Variants in GADL1 observed in about 807,000 individuals in gnomAD.
GADL1 encodes acidic amino acid decarboxylase GADL1.
Under a neutral mutation model 69.5 loss-of-function variants are expected in GADL1, and 71 were observed. The observed-to-expected ratio is 1.02, with a 90% CI of 0.84 to 1.25. The LOEUF (loss-of-function observed/expected upper bound fraction) is 1.25. GADL1 is among the 50% of genes most tolerant of loss of function. The pLI is 0.00. For synonymous variants in GADL1, 254 were observed against 214.4 expected (o/e 1.18, Z -1.62); for missense variants, 737 against 631.8 (o/e 1.17, Z -1.79).
chr3:30,726,271 G>A lies in GADL1; in HGVS notation c.*1971C>T, dbSNP rs1411715234. On this transcript the variant is annotated 3_prime_UTR_variant, in exon 15 of 15. Transcript: ENST00000282538. ...AGAGAGCTTTCAACCTACTTTTTCA[G>A]TCATTAAACTAAAATGCCAACCAAG... 6.6e-6 allele frequency: 1 copy of A among 152,016 alleles called. No individual in the cohort carries two copies. Among genetic ancestry groups the A allele is most frequent in the Non-Finnish European group, 1.5e-5 (1 of 67,994 alleles). 9.4% of individuals were successfully genotyped at this position (152,016 alleles called of 1,614,324 possible).
In GADL1 at chr3:30,741,188, T is replaced by TTA. The variant is rs199506140; in HGVS notation, c.1393-12775_1393-12774dup. 2.5e-3 allele frequency among the ~76,000 whole-genome samples: 263 copies of TTA among 105,654 alleles called. 2 individuals carry two copies. The highest frequency in any genetic ancestry group is 0.013 in the African/African-American group (235 of 18,096). The allele number at this position is 105,654 out of a possible 152,430, so 69.3% of individuals were successfully genotyped here. ...TATAAATATTATATATATTATATAA[T>TTA]TATGTGTGTGTGTGTGTGTGTGTGT... On this transcript the variant is annotated intron_variant, in intron 14 of 14. Transcript: ENST00000282538.
chr3:30,787,975 T>A lies in GADL1; in HGVS notation c.1251-1569A>T, dbSNP rs566984004. 9.9e-5 allele frequency among the ~76,000 whole-genome samples: 15 copies of A among 152,260 alleles called. No individual in the cohort carries two copies. In the South Asian group the frequency reaches 2.9e-3, roughly 29 times the overall value. On this transcript the variant is annotated intron_variant, in intron 12 of 14. Coordinates refer to ENST00000282538, the MANE Select transcript of GADL1 (RefSeq NM_207359.3). ...TTTCAAAGATATTATCTATATGCAA[T>A]TGTATTAAAAATTGTCAATATTAAC...
intron 14 of GADL1, among the ~76,000 whole-genome samples, chr3:30,769,689 C>T (rs938264561): frequency 1.3e-5 from 2 of 152,190 alleles, no homozygotes; most frequent in Non-Finnish European, 2.9e-5. Context: ...AAAATGCACC[C>T]ACACCCATAT....
At chr3:30,872,288 G>A (rs1698503792) in intron 1 of GADL1, among the ~76,000 whole-genome samples, 1 of 151,944 alleles carries the variant, frequency 6.6e-6, no homozygotes, top group African/African-American at 2.4e-5. Flanking sequence ...GGTAGCTACT[G>A]CACCACAGAG....
At chr3:30,771,030 T>C (rs529469551) in intron 14 of GADL1, among the ~76,000 whole-genome samples, 1 of 152,326 alleles carries the variant, frequency 6.6e-6, no homozygotes, top group East Asian at 1.9e-4. Context: ...GGAAAACTCA[T>C]CATGAACTTC....
intron 13 of GADL1, among the ~76,000 whole-genome samples, chr3:30,781,500 C>G (rs1475850140): frequency 6.6e-6 from 1 of 152,172 alleles, no homozygotes; most frequent in African/African-American, 2.4e-5. Context: ...TTCAAACAAT[C>G]ATGCAAATAT....
intron 14 of GADL1, among the ~76,000 whole-genome samples, chr3:30,757,855 TATCAGCAGTTCAGCAA>T (rs570795263): frequency 1.8e-4 from 27 of 152,196 alleles, no homozygotes; most frequent in Admixed American, 1.4e-3. Context: ...CTGCTCAGAT[TATCAGCAGTTCAGCAA>T]AATCAAAAGG....
chr3:30,861,591 A>G lies in GADL1; in HGVS notation c.210+2T>C. ...CAATTTCTTACAGGTTTTAATTTTT[A>G]CCTTCTCATTGACATCTGTAGCTTT... On this transcript the variant is annotated splice_donor_variant, in intron 2 of 14. Coordinates refer to ENST00000282538, the MANE Select transcript of GADL1 (RefSeq NM_207359.3). LOFTEE classifies it high-confidence loss of function. 1.9e-6 allele frequency: 3 copies of G among 1,540,614 alleles called. No homozygotes were observed. The highest frequency in any genetic ancestry group is 2.6e-6 in the Non-Finnish European group (3 of 1,141,678).
intron 1 of GADL1, among the ~76,000 whole-genome samples, chr3:30,863,419 G>A (rs557855043): frequency 3.3e-5 from 5 of 152,106 alleles, no homozygotes; most frequent in South Asian, 2.1e-4. Context: ...TTGACTAAAT[G>A]TTAAAAGTCA....
intron 11 of GADL1, among the ~76,000 whole-genome samples, chr3:30,822,484 T>C (rs978314178): frequency 2.0e-5 from 3 of 152,034 alleles, no homozygotes; most frequent in African/African-American, 2.4e-5. Flanking sequence ...CTCTGTTTTT[T>C]AGATCATAAG....
intron 14 of GADL1, among the ~76,000 whole-genome samples, chr3:30,768,264 T>C (rs928688893): frequency 1.3e-5 from 2 of 152,220 alleles, no homozygotes; most frequent in African/African-American, 4.8e-5. Flanking sequence ...TGTTCATCTG[T>C]TATTGTTTAC....
At chr3:30,783,912 C>CT (rs1353373002) in intron 13 of GADL1, among the ~76,000 whole-genome samples, 1 of 152,228 alleles carries the variant, frequency 6.6e-6, no homozygotes. Context: ...ATCGGCCCAT[C>CT]TTTTTTCTCA....
chr3:30,797,401 G>A (rs1410021606), intron 12 of GADL1, among the ~76,000 whole-genome samples: 2 of 152,162 alleles, frequency 1.3e-5, no homozygotes, highest in African/African-American at 2.4e-5. Flanking sequence ...GATTTTCCAA[G>A]CAGTTAAGTA....
At chr3:30,884,988 T>A (rs1419424068) in intron 1 of GADL1, among the ~76,000 whole-genome samples, 1 of 152,038 alleles carries the variant, frequency 6.6e-6, no homozygotes, top group Non-Finnish European at 1.5e-5. Context: ...TATATCAGAA[T>A]AATGTTCAAA....
intron 14 of GADL1, among the ~76,000 whole-genome samples, chr3:30,736,012 C>G (rs922216202): frequency 6.6e-6 from 1 of 151,902 alleles, no homozygotes; most frequent in African/African-American, 2.4e-5. Flanking sequence ...TTCAGTTTTC[C>G]TTTTACATTT....
At chr3:30,878,689 C>G (rs1165622801) in intron 1 of GADL1, among the ~76,000 whole-genome samples, 1 of 151,792 alleles carries the variant, frequency 6.6e-6, no homozygotes. Flanking sequence ...AAAGACAGTG[C>G]CAGTGGCAGT....
intron 14 of GADL1, among the ~76,000 whole-genome samples, chr3:30,769,640 T>C (rs1696371145): frequency 6.6e-6 from 1 of 152,106 alleles, no homozygotes; most frequent in Non-Finnish European, 1.5e-5. Flanking sequence ...AGAGGCCCCA[T>C]CTAGTTCTTG....
intron 11 of GADL1, among the ~76,000 whole-genome samples, chr3:30,808,413 G>C (rs1435956769): frequency 7.9e-5 from 12 of 151,590 alleles, no homozygotes. Context: ...CAGGAGAATC[G>C]CTTGAACCTG....
chr3:30,854,910 T>TAA, intron 3 of GADL1, 121 bp from the exon 4 acceptor site: 2 of 601,676 alleles, frequency 3.3e-6, no homozygotes, highest in Non-Finnish European at 5.8e-6. Flanking sequence ...GAGTTATATA[T>TAA]AACGTAATTC....
Sources: gnomAD v4.1 joint callset for allele counts (sites outside exome capture counted in the v4.1 genomes callset) on GRCh38, gnomAD v4.1.1 for gene constraint, MANE v1.5 for transcripts, NCBI Gene and HGNC (gene_info 2026-07-23, HGNC 2026-07-21) for gene names.